Variants in TTC22 observed in about 807,000 individuals in gnomAD.
TTC22 encodes tetratricopeptide repeat protein 22.
In TTC22, 42 loss-of-function variants were observed where a neutral mutation model predicts 48.2. The observed-to-expected ratio is 0.87, with a 90% CI of 0.68 to 1.13. The LOEUF is 1.13. TTC22 is among the 50% of genes most tolerant of loss of function. The pLI, the probability that TTC22 is intolerant of heterozygous loss-of-function variation, is 0.00. For missense variants in TTC22, 784 were observed against 807.0 expected, an observed-to-expected ratio of 0.97 and a Z score of 0.34; for synonymous variants, 345 against 365.5, an observed-to-expected ratio of 0.94 and a Z score of 0.64.
chr1:54,800,744 C>A lies in TTC22; in HGVS notation c.420G>T (p.Gly140=). 1.3e-6 allele frequency: 2 copies of A among 1,545,958 alleles called. No homozygotes were observed. The highest frequency in any genetic ancestry group is 1.2e-5 in the South Asian group (1 of 84,464). The change falls in exon 1 of 7, where the codon GGG becomes GGT. Residue 140 remains glycine (G), a synonymous_variant. Coordinates refer to ENST00000371276, the MANE Select transcript of TTC22 (RefSeq NM_001114108.2). The part of the protein sequence containing the change: ...MGLAEEPEAA[G]DPQLRAARCL... Reference sequence around the variant, plus strand: ...AGCGAGCGGCGCGGAGCTGGGGGTCCCCGGCGGCCTCGGGCTCCTCTGCCA... The same window carrying A: ...AGCGAGCGGCGCGGAGCTGGGGGTCACCGGCGGCCTCGGGCTCCTCTGCCA...
chr1:54,787,189 G>A (rs1456404932), intron 3 of TTC22, 114 bp from the exon 4 acceptor site: 1 of 573,054 alleles, frequency 1.7e-6, no homozygotes, highest in Non-Finnish European at 3.0e-6. Context: ...TAGTAGAGTG[G>A]GATCACTGAG....
intron 1 of TTC22, among the ~76,000 whole-genome samples, chr1:54,794,216 A>T (rs1269431269): frequency 2.6e-5 from 4 of 152,178 alleles, no homozygotes; most frequent in Non-Finnish European, 5.9e-5. Flanking sequence ...GGGAAGGCTG[A>T]AGATCGAAGC....
Position 54,801,113 on chromosome 1 carries a change from G to T in TTC22, c.51C>A (p.Asp17Glu). Reference protein sequence around the residue: ...VADDLDALIDDLDYLPGHFHL... With the variant: ...VADDLDALIDELDYLPGHFHL... ...GAAAGTGGCCCGGGAGGTAGTCCAG[G>T]TCGTCGATGAGGGCGTCTAGATCGT... Residue 17 changes from aspartate to glutamate, a missense_variant, in exon 1 of 7, where the codon GAC becomes GAA. Transcript: ENST00000371276. The T allele has an allele frequency of 6.2e-7, 1 of 1,611,566 alleles. No homozygotes were observed.
rs376338607 is a variant in TTC22, at chr1:54,797,986, C to T, written c.567+2611G>A. Among the ~76,000 whole-genome samples, 14 of 152,266 alleles carry T rather than the reference C, an allele frequency of 9.2e-5. No individual in the cohort carries two copies. In the East Asian group the frequency reaches 2.7e-3, roughly 30 times the overall value. On this transcript the variant is annotated intron_variant, in intron 1 of 6. Coordinates refer to ENST00000371276, the MANE Select transcript of TTC22 (RefSeq NM_001114108.2). ...ACTTCACCTTCTACCTCATCCTCCCCAGTCTCTGGACACATGGAAACCCAC... is the reference window on the plus strand; with the variant it reads ...ACTTCACCTTCTACCTCATCCTCCCTAGTCTCTGGACACATGGAAACCCAC...
At chr1:54,786,431 C>A in intron 4 of TTC22, 1 of 366,750 alleles carries the variant, frequency 2.7e-6, no homozygotes. Flanking sequence ...CCCTCCTTCC[C>A]AGTGTATGCT....
rs1478757257 is a variant in TTC22, at chr1:54,781,304, G to A, written c.1649C>T (p.Thr550Ile). 6.8e-7 allele frequency: 1 copy of A among 1,468,598 alleles called. No homozygotes were observed. Among genetic ancestry groups the A allele is most frequent in the African/African-American group, 1.5e-5 (1 of 67,542 alleles). The allele number at this position is 1,468,598 out of a possible 1,614,324, so 91.0% of individuals were successfully genotyped here. ...RPALVRLLFE[T>I]MEREGEGASA... is the part of the protein sequence containing the mutation. ...GGCGCCCTCGCCCTCGCGCTCCATG[G>A]TCTCGAAGAGCAGCCGCACCAGCGC... Residue 550 changes from threonine to isoleucine, a missense_variant, in exon 7 of 7, where the codon ACC (threonine) becomes ATC (isoleucine). Coordinates refer to ENST00000371276, the MANE Select transcript of TTC22 (RefSeq NM_001114108.2).
In TTC22 at chr1:54,794,377, A is replaced by C. The variant is rs545840040; in HGVS notation, c.567+6220T>G. Among the ~76,000 whole-genome samples the C allele has an allele frequency of 2.6e-5, 4 of 152,332 alleles. 1 individual carries two copies. In the South Asian group the frequency reaches 8.3e-4, roughly 32 times the overall value. ...ATATCAGCATCCCATTTACTTCAAA[A>C]GATGGCCCCAAAAGAAGGAAATGTT... On this transcript the variant is annotated intron_variant, in intron 1 of 6. Transcript: ENST00000371276.
intron 2 of TTC22, 65 bp from the exon 3 acceptor site, chr1:54,787,891 CT>C: frequency 6.6e-6 from 10 of 1,508,400 alleles, no homozygotes; most frequent in Non-Finnish European, 9.1e-6. Flanking sequence ...GCTGCCAGCC[CT>C]GCCCAGGCCT....
At position 54,786,976 on chromosome 1, in the gene TTC22, G is replaced by T; in HGVS notation, c.839C>A (p.Pro280His). ...VHDCGYSGTD[P>H]LDCFGKAIEI... ...AAGTACCTTGCCGAAGCAGTCTAGA[G>T]GGTCGGTCCCTGAGTACCCGCAGTC... Residue 280 changes from proline to histidine, a missense_variant, in exon 4 of 7, where the codon CCT becomes CAT. Transcript: ENST00000371276. 1 of 1,551,950 alleles carries T rather than the reference G, an allele frequency of 6.4e-7. No individual in the cohort carries two copies. Among genetic ancestry groups the T allele is most frequent in the Non-Finnish European group, 8.7e-7 (1 of 1,148,692 alleles).
rs773364228 is a variant in TTC22, at chr1:54,786,076, T to C, written c.927A>G (p.Gly309=). The stretch of plus-strand genomic sequence containing the variant: ...AGGTTCCAATGGCCATATCCTGCTT[T>C]CCCAGGAAGTAGAAGATTTTTGCCA... ...NRLAKIFYFL[G]KQDMAIGTCN... is the part of the protein sequence containing the mutation. Residue 309 remains glycine, a synonymous_variant, in exon 5 of 7, where the codon GGA becomes GGG. Coordinates refer to ENST00000371276, the MANE Select transcript of TTC22 (RefSeq NM_001114108.2). 25 of 1,613,984 alleles carry C rather than the reference T, an allele frequency of 1.5e-5. No individual in the cohort carries two copies. The highest frequency in any genetic ancestry group is 2.0e-5 in the Non-Finnish European group (24 of 1,179,970).
intron 1 of TTC22, among the ~76,000 whole-genome samples, chr1:54,793,745 A>G (rs889508805): frequency 1.3e-5 from 2 of 152,182 alleles, no homozygotes; most frequent in Non-Finnish European, 2.9e-5. Flanking sequence ...CACTTCATTT[A>G]CATGCGTTAC....
rs1450007893 is a variant in TTC22 at position 54,800,809 on chromosome 1, C to T, written c.355G>A (p.Glu119Lys). 3.2e-6 allele frequency: 5 copies of T among 1,587,194 alleles called. No homozygotes were observed. In the African/African-American group the frequency reaches 6.7e-5, roughly 21 times the overall value. Residue 119 changes from glutamate (E) to lysine (K), a missense_variant, in exon 1 of 7, where the codon GAG (glutamate) becomes AAG (lysine). Coordinates refer to ENST00000371276, the MANE Select transcript of TTC22 (RefSeq NM_001114108.2). Reference sequence around the variant, plus strand: ...GCCAGCCGTGCGGCGCACGCCTCCTCCTCTTCTTCCTGGCCCAGCCGCCCG... The same window carrying T: ...GCCAGCCGTGCGGCGCACGCCTCCTTCTCTTCTTCCTGGCCCAGCCGCCCG... Reference protein sequence around the residue: ...VYGRLGQEEEEEACAARLADL... With the variant: ...VYGRLGQEEEKEACAARLADL...
chr1:54,792,466 C>T (rs1294426466), intron 1 of TTC22, among the ~76,000 whole-genome samples: 2 of 150,992 alleles, frequency 1.3e-5, no homozygotes, highest in East Asian at 3.9e-4. Context: ...GACGGAGTTT[C>T]GCTCGTTGCC....
chr1:54,787,878 T>TCCTGGCA (rs1412064070), intron 2 of TTC22, 52 bp from the exon 3 acceptor site: 3 of 1,535,792 alleles, frequency 2.0e-6, no homozygotes, highest in Non-Finnish European at 2.7e-6. Context: ...GGCTGTCCTG[T>TCCTGGCA]GTGCTGCCAG....
At chr1:54,786,801 A>G in intron 4 of TTC22, 156 bp downstream of exon 4, 1 of 432,682 alleles carries the variant, frequency 2.3e-6, no homozygotes, top group Non-Finnish European at 4.1e-6. Flanking sequence ...GTTTTGAATG[A>G]AGAGAGGATG....
Position 54,780,535 on chromosome 1 carries a change from G to C in TTC22, c.*708C>G, listed in dbSNP as rs1237170347. 1 of 151,930 alleles carries C rather than the reference G, an allele frequency of 6.6e-6. No homozygotes were observed. Among genetic ancestry groups the C allele is most frequent in the Non-Finnish European group, 1.5e-5 (1 of 68,028 alleles). The allele number at this position is 151,930 out of a possible 1,614,324, so 9.4% of individuals were successfully genotyped here. A position where few individuals can be genotyped will look rare whatever the true frequency, so the allele number is the denominator to read the frequency against. ...GGGGGGCAGGTGGCACCTCCTAATG[G>C]GTGGCGCCCTTAGTTTCCCCCAAGA... On this transcript the variant is annotated 3_prime_UTR_variant, in exon 7 of 7. Coordinates refer to ENST00000371276, the MANE Select transcript of TTC22 (RefSeq NM_001114108.2).
chr1:54,793,591 C>T (rs1271347998), intron 1 of TTC22, among the ~76,000 whole-genome samples: 1 of 152,136 alleles, frequency 6.6e-6, no homozygotes, highest in Non-Finnish European at 1.5e-5. Context: ...GTATCATTAC[C>T]CTCTTTGTAC....
intron 1 of TTC22, chr1:54,792,940 C>CTG (rs1646363868): frequency 6.6e-6 from 1 of 152,214 alleles, no homozygotes; most frequent in Non-Finnish European, 1.5e-5. Flanking sequence ...CCTCTTATGG[C>CTG]TGCAAGGAAT....
intron 5 of TTC22, 97 bp from the exon 6 acceptor site, chr1:54,782,574 C>G: frequency 7.7e-7 from 1 of 1,295,630 alleles, no homozygotes; most frequent in Non-Finnish European, 1.0e-6. Context: ...TCAACAGCAA[C>G]CAGGGAGGTT....
Sources: allele counts gnomAD v4.1 joint callset (sites outside exome capture counted in the v4.1 genomes callset), GRCh38; gene constraint gnomAD v4.1.1; transcripts MANE v1.5; gene names NCBI Gene and HGNC (gene_info 2026-07-23, HGNC 2026-07-21).